ARSB: variants seen among roughly 807,000 people sequenced by gnomAD.
The protein encoded by ARSB is arylsulfatase B, also known as N-acetylgalactosamine-4-sulfatase.
A neutral mutation model predicts 50.9 loss-of-function variants in ARSB; 41 were observed. The ratio of observed to expected loss-of-function variants is 0.81; its 90% confidence interval spans 0.63 to 1.04. The LOEUF (loss-of-function observed/expected upper bound fraction) is 1.04. Among genes scored for constraint, ARSB ranks in the 50% least tolerant of loss-of-function variants. ARSB has a pLI of 0.00. For synonymous variants in ARSB, 269 were observed against 284.8 expected, an observed-to-expected ratio of 0.94 and a Z score of 0.56; for missense variants, 672 against 693.3, an observed-to-expected ratio of 0.97 and a Z score of 0.35.
chr5:78,803,366 G>A (rs1743463170), intron 6 of ARSB, among the ~76,000 whole-genome samples: 2 of 152,178 alleles, frequency 1.3e-5, no homozygotes, highest in South Asian at 2.1e-4. Context: ...AGAGAAAGTC[G>A]GCAGCTTACT....
chr5:78,868,845 A>C (rs796669416), intron 5 of ARSB, among the ~76,000 whole-genome samples: 10,629 of 143,918 alleles, frequency 0.074, 1,140 homozygotes, highest in African/African-American at 0.25. Context: ...ACTAAATGCT[A>C]CAATTAAAAG....
intron 4 of ARSB, among the ~76,000 whole-genome samples, chr5:78,940,958 A>C (rs1305361004): frequency 1.1e-4 from 16 of 151,934 alleles, no homozygotes; most frequent in East Asian, 7.7e-4. Flanking sequence ...CTTTTATTTC[A>C]TTGAGCAGTG....
chr5:78,821,260 T>C (rs944807811), intron 6 of ARSB, among the ~76,000 whole-genome samples: 12 of 152,122 alleles, frequency 7.9e-5, no homozygotes, highest in Admixed American at 2.0e-4. Flanking sequence ...CTCAGCCTCC[T>C]GAGTAGCTGG....
Position 78,816,521 on chromosome 5 carries a change from A to G in ARSB, c.1213+22835T>C, listed in dbSNP as rs537094399. Among the ~76,000 whole-genome samples the G allele has an allele frequency of 2.0e-5, 3 of 152,062 alleles. No homozygotes were observed. The South Asian group carries it at 6.2e-4, about 32-fold the overall frequency. ...TCCATGGTCTTCACCCCCTGGTGTT[A>G]CTCCTGAGATTATGTTATGTTTGGT... On this transcript the variant is annotated intron_variant, in intron 6 of 7. Coordinates refer to ENST00000264914, the MANE Select transcript of ARSB (RefSeq NM_000046.5).
chr5:78,871,077 A>G (rs1225381791), intron 5 of ARSB, among the ~76,000 whole-genome samples: 5 of 149,414 alleles, frequency 3.3e-5, no homozygotes, highest in African/African-American at 1.2e-4. Context: ...TGCTTCAAAG[A>G]GAATAAAATA....
At chr5:78,822,118 T>G (rs1382055597) in intron 6 of ARSB, among the ~76,000 whole-genome samples, 1 of 152,238 alleles carries the variant, frequency 6.6e-6, no homozygotes, top group African/African-American at 2.4e-5. Context: ...TTTTTTCTTA[T>G]ATGCTATTTT....
intron 6 of ARSB, among the ~76,000 whole-genome samples, chr5:78,812,482 C>G (rs1042048472): frequency 1.3e-5 from 2 of 152,024 alleles, no homozygotes; most frequent in Non-Finnish European, 2.9e-5. Flanking sequence ...AGTGGCTACA[C>G]AACAATCAAA....
At chr5:78,800,091 G>A (rs1267428668) in intron 6 of ARSB, among the ~76,000 whole-genome samples, 5 of 152,148 alleles carry the variant, frequency 3.3e-5, no homozygotes, top group Non-Finnish European at 5.9e-5. Flanking sequence ...GCCGAGGCAG[G>A]CAAATCACTT....
At chr5:78,985,521 G>T (rs1753150147), upstream of ARSB, 2 of 262,938 alleles carry the variant, frequency 7.6e-6, no homozygotes, top group Admixed American at 5.4e-5. Context: ...ACCAAGGCCC[G>T]TTATCTTCCC....
At chr5:78,869,911 C>T (rs1317026603) in intron 5 of ARSB, among the ~76,000 whole-genome samples, 9 of 151,100 alleles carry the variant, frequency 6.0e-5, no homozygotes, top group East Asian at 3.9e-4. Flanking sequence ...ATTGATAGAC[C>T]GCTAGCAAGA....
chr5:78,864,682 T>A (rs1185769619), intron 5 of ARSB, among the ~76,000 whole-genome samples: 1 of 152,172 alleles, frequency 6.6e-6, no homozygotes, highest in Non-Finnish European at 1.5e-5. Context: ...CAAAGTCTCA[T>A]CTGAGACAAG....
intron 5 of ARSB, among the ~76,000 whole-genome samples, chr5:78,877,969 T>A (rs2112180589): frequency 6.6e-6 from 1 of 152,258 alleles, no homozygotes; most frequent in African/African-American, 2.4e-5. Flanking sequence ...AAAGCTACAA[T>A]GTGTGAGATG....
chr5:78,890,314 G>A (rs983213271), intron 4 of ARSB, among the ~76,000 whole-genome samples: 4 of 148,730 alleles, frequency 2.7e-5, no homozygotes, highest in Non-Finnish European at 4.4e-5. Flanking sequence ...GCAGTGGCAG[G>A]ATCACAGCTC....
intron 5 of ARSB, among the ~76,000 whole-genome samples, chr5:78,852,309 C>A (rs1031897031): frequency 1.5e-4 from 23 of 152,110 alleles, no homozygotes; most frequent in Non-Finnish European, 3.2e-4. Flanking sequence ...TTCTCCTTCA[C>A]TTATGAAGCT....
rs191720103 is a variant in ARSB, at chr5:78,836,578, A to G, written c.1213+2778T>C. On this transcript the variant is annotated intron_variant, in intron 6 of 7. Coordinates refer to ENST00000264914, the MANE Select transcript of ARSB (RefSeq NM_000046.5). The stretch of plus-strand genomic sequence containing the variant: ...AATGTCCTTACAGTCTATGGATGGC[A>G]AGATTAGGAAAATTTTCTATTCTAA... 1.4e-4 allele frequency among the ~76,000 whole-genome samples: 21 copies of G among 152,304 alleles called. No individual in the cohort carries two copies. The East Asian group carries it at 4.1e-3, about 29-fold the overall frequency.
At chr5:78,866,620 G>C (rs761459294) in intron 5 of ARSB, among the ~76,000 whole-genome samples, 8 of 152,222 alleles carry the variant, frequency 5.3e-5, no homozygotes, top group Non-Finnish European at 1.2e-4. Flanking sequence ...AAGTAGCTTG[G>C]ATAAGGAAGT....
intron 4 of ARSB, among the ~76,000 whole-genome samples, chr5:78,915,898 C>G (rs571240379): frequency 6.6e-6 from 1 of 152,124 alleles, no homozygotes; most frequent in East Asian, 1.9e-4. Flanking sequence ...GGCATCATAT[C>G]GGCTCAAGAA....
At chr5:78,807,317 C>T (rs1227359905) in intron 6 of ARSB, among the ~76,000 whole-genome samples, 1 of 152,232 alleles carries the variant, frequency 6.6e-6, no homozygotes, top group Non-Finnish European at 1.5e-5. Flanking sequence ...GATAGCACAT[C>T]TTCATCAGTT....
intron 6 of ARSB, among the ~76,000 whole-genome samples, chr5:78,809,607 CCCAT>C (rs1367586772): frequency 6.6e-6 from 1 of 152,248 alleles, no homozygotes; most frequent in Non-Finnish European, 1.5e-5. Flanking sequence ...AGCTGGGAGA[CCCAT>C]CCTACGGTCA....
Sources: gnomAD v4.1 joint callset for allele counts (sites outside exome capture counted in the v4.1 genomes callset) on GRCh38, gnomAD v4.1.1 for gene constraint, MANE v1.5 for transcripts, NCBI Gene and HGNC (gene_info 2026-07-23, HGNC 2026-07-21) for gene names.